RALGAPA1: variants seen among roughly 807,000 people sequenced by gnomAD.
RALGAPA1 encodes the protein Ral GTPase activating protein catalytic subunit alpha 1, also known as ral GTPase-activating protein subunit alpha-1.
RALGAPA1 carries 52 observed loss-of-function variants against 269.6 expected under a neutral mutation model. The observed-to-expected ratio is 0.19, with a 90% confidence interval of 0.15 to 0.24. The LOEUF is 0.24. Ranked by LOEUF, RALGAPA1 falls within the 10% of genes least tolerant of loss-of-function variation. The pLI is 1.00. For missense variants in RALGAPA1, 1,917 were observed against 3,013.9 expected, an observed-to-expected ratio of 0.64 and a Z score of 8.52; for synonymous variants, 817 against 1,008.3, an observed-to-expected ratio of 0.81 and a Z score of 3.60.
rs560390824 is a variant in RALGAPA1, at chr14:35,654,453, C to T, written c.5521G>A (p.Val1841Ile). 19 of 1,602,094 alleles carry T rather than the reference C, an allele frequency of 1.2e-5. No homozygotes were observed. Among genetic ancestry groups the T allele is most frequent in the Admixed American group, 3.5e-5 (2 of 57,222 alleles). ...LKFTNKTVAH[V>I]ACNMLHMLVH... ...AGCATGTGAAGCATGTTACAAGCTA[C>T]GTGGGCTACTGTTTTATTAGTAAAC... is the stretch of plus-strand genomic sequence containing the variant. The change falls in exon 30 of 42, where the codon GTA becomes ATA. Residue 1841 changes from valine (V) to isoleucine (I), a missense_variant. By Grantham distance (29) the Val-to-Ile change is conservative. Transcript: ENST00000680220.
chr14:35,657,676 C>CAT (rs201294195), intron 28 of RALGAPA1, among the ~76,000 whole-genome samples: 3,198 of 143,038 alleles, frequency 0.022, 118 homozygotes, highest in African/African-American at 0.073. Flanking sequence ...TGAGAAGCAA[C>CAT]ATATATATAT....
chr14:35,745,422 GACAC>G (rs71445957), intron 10 of RALGAPA1, among the ~76,000 whole-genome samples: 11,710 of 146,734 alleles, frequency 0.08, 578 homozygotes, highest in Middle Eastern at 0.15. Flanking sequence ...CACACAGACA[GACAC>G]ACACACACAC....
chr14:35,550,763 A>C (rs576716741), intron 39 of RALGAPA1, among the ~76,000 whole-genome samples: 1 of 152,304 alleles, frequency 6.6e-6, no homozygotes, highest in African/African-American at 2.4e-5. Context: ...TTGAATCCCA[A>C]TTCTATTACC....
rs758265378 is a variant in RALGAPA1, at chr14:35,721,750, G to A, written c.2204C>T (p.Ala735Val). The change falls in exon 16 of 42, where the codon GCA becomes GTA. Residue 735 changes from alanine (A) to valine (V), a missense_variant. Around this residue, in one of 11 missense-constraint regions of RALGAPA1, gnomAD observed 125 missense variants for 155.7 expected, o/e 0.80. Coordinates refer to ENST00000680220, the MANE Select transcript of RALGAPA1 (RefSeq NM_001346249.2). ...PGQAPMRQRS[A>V]TTTGSPGTEK... ...GGTTCCTGGAGAACCAGTGGTTGTT[G>A]CACTCCTCTGTCTCATTGGGGCTTG... The A allele has an allele frequency of 3.1e-6, 5 of 1,613,046 alleles. No homozygotes were observed. The highest frequency in any genetic ancestry group is 1.3e-5 in the African/African-American group (1 of 74,854).
chr14:35,657,348 C>T (rs1355196271), intron 28 of RALGAPA1, among the ~76,000 whole-genome samples: 1 of 151,798 alleles, frequency 6.6e-6, no homozygotes, highest in African/African-American at 2.4e-5. Flanking sequence ...GCTACGACAC[C>T]TGGCTAATTT....
chr14:35,668,883 A>C (rs2064170048), intron 26 of RALGAPA1, among the ~76,000 whole-genome samples: 1 of 152,164 alleles, frequency 6.6e-6, no homozygotes, highest in African/African-American at 2.4e-5. Flanking sequence ...ACTTTATCTC[A>C]ATGATTTTTT....
chr14:35,745,356 T>A (rs1469656317), intron 10 of RALGAPA1, among the ~76,000 whole-genome samples: 1 of 151,366 alleles, frequency 6.6e-6, no homozygotes, highest in African/African-American at 2.4e-5. Flanking sequence ...GGTACCAGCA[T>A]AAAAAACAGA....
At chr14:35,722,223 A>G (rs1334440648) in intron 15 of RALGAPA1, among the ~76,000 whole-genome samples, 1 of 152,256 alleles carries the variant, frequency 6.6e-6, no homozygotes. Context: ...TGGGAAATAT[A>G]GTCCAGGAAA....
At chr14:35,577,825 T>C (rs1019636115) in intron 37 of RALGAPA1, among the ~76,000 whole-genome samples, 1 of 152,250 alleles carries the variant, frequency 6.6e-6, no homozygotes, top group South Asian at 2.1e-4. Flanking sequence ...CAACTAATTA[T>C]AATCACTCAG....
intron 1 of RALGAPA1, among the ~76,000 whole-genome samples, chr14:35,777,986 T>G (rs1460550716): frequency 2.0e-5 from 3 of 152,182 alleles, no homozygotes; most frequent in Admixed American, 2.0e-4. Flanking sequence ...ACATAAGATT[T>G]CAAAATAAAG....
At position 35,539,218 on chromosome 14, in the gene RALGAPA1, G is replaced by T. The variant is rs193165849; in HGVS notation, c.*496C>A. On this transcript the variant is annotated 3_prime_UTR_variant, in exon 42 of 42. Transcript: ENST00000680220. The stretch of plus-strand genomic sequence containing the variant: ...AAATAATGAGACTAATTGTCCAATT[G>T]TATTTTGGCTCACAGTTAACCATGA... 3.9e-4 allele frequency: 63 copies of T among 162,880 alleles called. 1 individual carries two copies. Among genetic ancestry groups the T allele is most frequent in the African/African-American group, 1.3e-3 (54 of 41,928 alleles). The allele number at this position is 162,880 out of a possible 1,614,324, so 10.1% of individuals were successfully genotyped here.
chr14:35,794,406 T>C (rs1595580921), intron 1 of RALGAPA1, among the ~76,000 whole-genome samples: 1 of 152,136 alleles, frequency 6.6e-6, no homozygotes, highest in African/African-American at 2.4e-5. Flanking sequence ...AGTTCACACA[T>C]TCTTAGATTT....
At chr14:35,794,611 G>C (rs905304832) in intron 1 of RALGAPA1, among the ~76,000 whole-genome samples, 3 of 151,946 alleles carry the variant, frequency 2.0e-5, no homozygotes, top group East Asian at 1.9e-4. Context: ...CGCCCGCCAC[G>C]GCGCCCGGCT....
intron 1 of RALGAPA1, among the ~76,000 whole-genome samples, chr14:35,806,689 A>T (rs1189419415): frequency 1.3e-5 from 2 of 152,178 alleles, no homozygotes; most frequent in African/African-American, 4.8e-5. Flanking sequence ...ACCAAACAAA[A>T]ATCAAAAGCC....
chr14:35,736,213 T>C (rs1347099806), intron 12 of RALGAPA1, among the ~76,000 whole-genome samples: 1 of 152,158 alleles, frequency 6.6e-6, no homozygotes, highest in African/African-American at 2.4e-5. Flanking sequence ...GTCATCAAAT[T>C]AGACAAACGT....
Position 35,721,718 on chromosome 14 carries a change from C to T in RALGAPA1, c.2236G>A (p.Ala746Thr). 6.2e-7 allele frequency: 1 copy of T among 1,613,726 alleles called. No homozygotes were observed. ...TTTGSPGTEK[A>T]RSIVRQKTVA... ...GTTTTTTGCCGTACTATACTCCTCG[C>T]CTTTTCGGTTCCTGGAGAACCAGTG... The change falls in exon 16 of 42, where the codon GCG (alanine) becomes ACG (threonine). Residue 746 changes from alanine (A) to threonine (T), a missense_variant. Ala to Thr is a moderately conservative substitution (Grantham distance 58, BLOSUM62 0). Coordinates refer to ENST00000680220, the MANE Select transcript of RALGAPA1 (RefSeq NM_001346249.2).
chr14:35,654,586 A>G, intron 29 of RALGAPA1, 109 bp from the exon 30 acceptor site: 1 of 1,278,410 alleles, frequency 7.8e-7, no homozygotes, highest in Non-Finnish European at 1.0e-6. Flanking sequence ...TATAAATCCT[A>G]CATTTATAGG....
At chr14:35,554,601 C>G (rs1324853627) in intron 39 of RALGAPA1, among the ~76,000 whole-genome samples, 1 of 151,962 alleles carries the variant, frequency 6.6e-6, no homozygotes. Context: ...CCGCCTCGGC[C>G]TCCCAAAGTG....
intron 16 of RALGAPA1, among the ~76,000 whole-genome samples, chr14:35,720,456 T>C (rs933752081): frequency 6.6e-6 from 1 of 152,246 alleles, no homozygotes; most frequent in African/African-American, 2.4e-5. Flanking sequence ...ATAATGGCTT[T>C]ACATTTCTTT....
Sources: gnomAD v4.1 joint callset for allele counts (sites outside exome capture counted in the v4.1 genomes callset) on GRCh38, gnomAD v4.1.1 for gene constraint, gnomAD v4.1.1 regional missense constraint, MANE v1.5 for transcripts, NCBI Gene and HGNC (gene_info 2026-07-23, HGNC 2026-07-21) for gene names.